Variants in DAB1 observed in about 807,000 individuals in gnomAD.
The protein encoded by DAB1 is DAB adaptor protein 1.
In DAB1, 15 loss-of-function variants were observed where a neutral mutation model predicts 64.6. That is an observed-to-expected ratio of 0.23 (90% CI 0.16 to 0.36). DAB1 has a LOEUF of 0.36. Among genes scored for constraint, DAB1 ranks in the 10% least tolerant of loss-of-function variants. The probability of loss-of-function intolerance (pLI) is 1.00; values close to 1 mark genes in which losing one functional copy is unlikely to be tolerated. For missense variants in DAB1, 596 were observed against 706.7 expected (o/e 0.84, Z 1.78); for synonymous variants, 235 against 251.9 (o/e 0.93, Z 0.64).
At chr1:57,918,354 G>C (rs891660667) in intron 5 of DAB1, among the ~76,000 whole-genome samples, 3 of 152,100 alleles carry the variant, frequency 2.0e-5, no homozygotes, top group African/African-American at 7.2e-5. Context: ...AAAAGTTCAA[G>C]GGCCTGGTGC....
At chr1:57,729,967 C>A (rs1647340174) in intron 6 of DAB1, among the ~76,000 whole-genome samples, 1 of 152,228 alleles carries the variant, frequency 6.6e-6, no homozygotes, top group South Asian at 2.1e-4. Flanking sequence ...AACAGAGACA[C>A]AGCACAGTTA....
At chr1:58,500,597 A>C (rs189374429) in intron 3 of DAB1, among the ~76,000 whole-genome samples, 1 of 152,302 alleles carries the variant, frequency 6.6e-6, no homozygotes, top group East Asian at 1.9e-4. Flanking sequence ...TTTGATAAAG[A>C]TTTTTTTAAG....
intron 5 of DAB1, among the ~76,000 whole-genome samples, chr1:57,962,559 T>C (rs1476307807): frequency 6.6e-6 from 1 of 152,002 alleles, no homozygotes; most frequent in African/African-American, 2.4e-5. Flanking sequence ...CCCAAGAAAA[T>C]GGAATAATAC....
At chr1:57,292,222 C>T (rs932566849) in intron 1 of DAB1, among the ~76,000 whole-genome samples, 1 of 152,130 alleles carries the variant, frequency 6.6e-6, no homozygotes, top group Non-Finnish European at 1.5e-5. Context: ...TGACCCCAAC[C>T]TCTTAATCAT....
chr1:57,067,547 C>T (rs576544865), intron 8 of DAB1, among the ~76,000 whole-genome samples: 3 of 152,200 alleles, frequency 2.0e-5, no homozygotes, highest in Non-Finnish European at 2.9e-5. Flanking sequence ...TCACCATCAG[C>T]GCATGTGCAC....
chr1:57,750,883 G>A (rs1648518471), intron 6 of DAB1, among the ~76,000 whole-genome samples: 1 of 152,176 alleles, frequency 6.6e-6, no homozygotes, highest in South Asian at 2.1e-4. Context: ...TGATGCAGCA[G>A]TTCTAGCCAC....
At chr1:58,257,162 T>C (rs1273833184) in intron 4 of DAB1, among the ~76,000 whole-genome samples, 3 of 152,218 alleles carry the variant, frequency 2.0e-5, no homozygotes, top group African/African-American at 7.2e-5. Flanking sequence ...TCACAGGCAC[T>C]ATGTTCAGTG....
chr1:58,350,994 A>G (rs533338287), intron 3 of DAB1, among the ~76,000 whole-genome samples: 81 of 152,304 alleles, frequency 5.3e-4, no homozygotes, highest in Middle Eastern at 3.4e-3. Flanking sequence ...TCCTGTGAAG[A>G]AAGTCAGTGG....
chr1:57,550,709 G>C (rs1406178210), intron 7 of DAB1, among the ~76,000 whole-genome samples: 1 of 152,060 alleles, frequency 6.6e-6, no homozygotes, highest in Non-Finnish European at 1.5e-5. Flanking sequence ...CTCTTCTTCT[G>C]AATTCCCTGA....
rs17116560 is a variant in DAB1, at chr1:57,965,342, C to G, written n.388-81180G>C. 9.1e-3 allele frequency among the ~76,000 whole-genome samples: 1,385 copies of G among 152,230 alleles called. 40 individuals carry two copies. Among genetic ancestry groups the G allele is most frequent in the East Asian group, 0.081 (421 of 5,170 alleles). Reference sequence around the variant, plus strand: ...AATCCAATTACCAAGAATATGGCATCAGGAGTCAAACAGTCCTGAGTTCAA... The same window carrying G: ...AATCCAATTACCAAGAATATGGCATGAGGAGTCAAACAGTCCTGAGTTCAA... On this transcript the variant is annotated intron_variant and non_coding_transcript_variant, in intron 5 of 20. Coordinates refer to the DAB1 transcript ENST00000485760.
At chr1:58,150,863 C>T (rs919884070) in intron 4 of DAB1, among the ~76,000 whole-genome samples, 3 of 152,152 alleles carry the variant, frequency 2.0e-5, no homozygotes, top group East Asian at 3.9e-4. Flanking sequence ...CCACGACAAG[C>T]CCTGGTGTGT....
At position 57,816,340 on chromosome 1, in the gene DAB1, C is replaced by T. The variant is rs562135425; in HGVS notation, n.551+67659G>A. ...GTGCTCTTGCAGGTGCACCTCAACA[C>T]CTTCCTCTAGTTGTTATGTTCTTTC... On this transcript the variant is annotated intron_variant and non_coding_transcript_variant, in intron 6 of 20. Transcript: ENST00000485760. 6.6e-5 allele frequency among the ~76,000 whole-genome samples: 10 copies of T among 152,324 alleles called. 1 individual carries two copies. The highest frequency in any genetic ancestry group is 3.9e-4 in the Admixed American group (6 of 15,304).
At chr1:57,217,271 T>C (rs1178169810) in intron 2 of DAB1, among the ~76,000 whole-genome samples, 1 of 152,232 alleles carries the variant, frequency 6.6e-6, no homozygotes, top group East Asian at 1.9e-4. Context: ...GATAAGGATA[T>C]TTAAATTAAA....
intron 3 of DAB1, chr1:58,469,117 A>T (rs338239): frequency 6.0e-6 from 1 of 166,522 alleles, no homozygotes; most frequent in Non-Finnish European, 1.2e-5. Flanking sequence ...GTCACAGCAA[A>T]CCACTTTCAT....
chr1:57,030,431 G>A (rs1646930666), intron 9 of DAB1, among the ~76,000 whole-genome samples: 1 of 152,198 alleles, frequency 6.6e-6, no homozygotes, highest in Non-Finnish European at 1.5e-5. Context: ...AAGGAGAGGA[G>A]CCATGTGACC....
At chr1:57,238,108 T>C (rs1442887363) in intron 2 of DAB1, among the ~76,000 whole-genome samples, 2 of 152,114 alleles carry the variant, frequency 1.3e-5, no homozygotes, top group Admixed American at 1.3e-4. Flanking sequence ...AGGAGATGTG[T>C]TCCTAGACCA....
chr1:57,712,635 T>C (rs1203054899), intron 6 of DAB1, among the ~76,000 whole-genome samples: 1 of 152,212 alleles, frequency 6.6e-6, no homozygotes, highest in Non-Finnish European at 1.5e-5. Flanking sequence ...CTGAGCTATA[T>C]ATATAGTACA....
chr1:57,599,182 CT>C (rs147293089), intron 7 of DAB1, among the ~76,000 whole-genome samples: 28,385 of 141,994 alleles, frequency 0.2, 2,944 homozygotes, highest in African/African-American at 0.29. Flanking sequence ...TGAGCTTCTT[CT>C]TTTTTTTTTT....
chr1:57,635,850 C>T (rs1646046186), intron 7 of DAB1, among the ~76,000 whole-genome samples: 1 of 151,798 alleles, frequency 6.6e-6, no homozygotes, highest in Non-Finnish European at 1.5e-5. Context: ...AATCCCAGCA[C>T]CTTGGGAGGC....
Sources: allele counts gnomAD v4.1 joint callset (sites outside exome capture counted in the v4.1 genomes callset), GRCh38; gene constraint gnomAD v4.1.1; transcripts MANE v1.5; gene names NCBI Gene and HGNC (gene_info 2026-07-23, HGNC 2026-07-21).